The following KICS2 variants were observed in gnomAD, a reference collection of about 807,000 sequenced individuals.
KICS2 encodes KICSTOR complex protein C12orf66.
KICS2 carries 13 observed loss-of-function variants against 31.4 expected under a neutral mutation model. The ratio of observed to expected loss-of-function variants is 0.41; its 90% CI spans 0.27 to 0.66. KICS2 has a LOEUF of 0.66. Among genes scored for constraint, KICS2 ranks in the 30% least tolerant of loss-of-function variants. The pLI, the probability that KICS2 is intolerant of heterozygous loss-of-function variation, is 0.28. For missense variants in KICS2, 455 were observed against 545.4 expected, an observed-to-expected ratio of 0.83 and a Z score of 1.65; for synonymous variants, 209 against 214.8, an observed-to-expected ratio of 0.97 and a Z score of 0.24.
chr12:64,193,658 C>T lies in KICS2; in HGVS notation c.*184G>A. Reference sequence around the variant, plus strand: ...GCCCATGACCACTTCCTAGATTACTCTTTGGAAACTTAATTCAATTGGCCT... The same window carrying T: ...GCCCATGACCACTTCCTAGATTACTTTTTGGAAACTTAATTCAATTGGCCT... On this transcript the variant is annotated 3_prime_UTR_variant, in exon 3 of 3. Coordinates refer to ENST00000398055, the MANE Select transcript of KICS2 (RefSeq NM_152440.5). 7.1e-7 allele frequency: 1 copy of T among 1,416,380 alleles called. No homozygotes were observed. Among genetic ancestry groups the T allele is most frequent in the East Asian group, 2.5e-5 (1 of 39,454 alleles). 87.7% of individuals were successfully genotyped at this position (1,416,380 alleles called of 1,614,324 possible).
chr12:64,194,112 C>G lies in KICS2; in HGVS notation c.1068G>C (p.Arg356Ser). Residue 356 changes from arginine (R) to serine (S), a missense_variant, in exon 3 of 3, where the codon AGG becomes AGC. Physicochemically the swap from Arg to Ser is moderately radical, Grantham distance 110. Transcript: ENST00000398055. Reference protein sequence around the residue: ...YPAVVSLPSDRPVMHWPNVIM... With the variant: ...YPAVVSLPSDSPVMHWPNVIM... ...TGACATTGGGCCAGTGCATGACTGGCCTGTCGCTGGGCAGAGACACTACAG... is the reference window on the plus strand; with the variant it reads ...TGACATTGGGCCAGTGCATGACTGGGCTGTCGCTGGGCAGAGACACTACAG... 1 of 1,614,146 alleles carries G rather than the reference C, an allele frequency of 6.2e-7. No homozygotes were observed. The highest frequency in any genetic ancestry group is 8.5e-7 in the Non-Finnish European group (1 of 1,180,028).
intron 2 of KICS2, among the ~76,000 whole-genome samples, chr12:64,210,764 A>G (rs2037575583): frequency 6.6e-6 from 1 of 152,174 alleles, no homozygotes; most frequent in African/African-American, 2.4e-5. Context: ...GTGACAGAAC[A>G]AGACCTCATC....
chr12:64,194,500 C>A lies in KICS2; in HGVS notation c.680G>T (p.Gly227Val). The part of the protein sequence containing the change: ...HSAHTKLQTW[G>V]QIFEKQRETK... ...CTCCCGCTGTTTCTCAAAGATCTGGCCCCACGTCTGCAGTTTGGTGTGCGC... is the reference window on the plus strand; with the variant it reads ...CTCCCGCTGTTTCTCAAAGATCTGGACCCACGTCTGCAGTTTGGTGTGCGC... Residue 227 changes from glycine (G) to valine (V), a missense_variant, in exon 3 of 3, where the codon GGC becomes GTC. Coordinates refer to ENST00000398055, the MANE Select transcript of KICS2 (RefSeq NM_152440.5). 6.2e-7 allele frequency: 1 copy of A among 1,614,124 alleles called. No homozygotes were observed. Among genetic ancestry groups the A allele is most frequent in the South Asian group, 1.1e-5 (1 of 91,078 alleles).
intron 1 of KICS2, among the ~76,000 whole-genome samples, chr12:64,216,450 T>C (rs1471920692): frequency 1.3e-5 from 2 of 152,246 alleles, no homozygotes; most frequent in Non-Finnish European, 2.9e-5. Context: ...CATGATTTTT[T>C]GTTTCTGCTT....
chr12:64,201,538 T>C (rs1203051973), intron 2 of KICS2, among the ~76,000 whole-genome samples: 6 of 125,238 alleles, frequency 4.8e-5, no homozygotes, highest in Non-Finnish European at 4.8e-5. Context: ...CGCACCAGCA[T>C]GGCACATGTA....
chr12:64,213,141 A>G (rs1043302801), intron 2 of KICS2, among the ~76,000 whole-genome samples: 12 of 152,106 alleles, frequency 7.9e-5, no homozygotes, highest in Admixed American at 7.2e-4. Context: ...TAACATAATA[A>G]TTTTTACCCA....
rs1237002424 is a variant in KICS2 at position 64,215,842 on chromosome 12, T to C, written c.357A>G (p.Glu119=). 6.2e-7 allele frequency: 1 copy of C among 1,613,940 alleles called. No individual in the cohort carries two copies. The highest frequency in any genetic ancestry group is 1.7e-4 in the Middle Eastern group (1 of 6,058). Residue 119 remains glutamate (E), a synonymous_variant, in exon 2 of 3, where the codon GAA becomes GAG. Coordinates refer to ENST00000398055, the MANE Select transcript of KICS2 (RefSeq NM_152440.5). ...GALGGTAPHV[E]ELLSHLSEQL... ...GCTCTGACAGGTGGGAAAGGAGTTC[T>C]TCCACGTGAGGAGCAGTCCCACCCA...
At chr12:64,190,179 AG>A (rs375760468), downstream of KICS2, among the ~76,000 whole-genome samples, 1,217 of 152,354 alleles carry the variant, frequency 8.0e-3, 18 homozygotes, top group African/African-American at 0.027. Context: ...AGAAAAGAAC[AG>A]GAAAGGTGCC....
downstream of KICS2, among the ~76,000 whole-genome samples, chr12:64,189,234 C>A (rs1052863054): frequency 1.3e-5 from 2 of 152,182 alleles, no homozygotes; most frequent in Non-Finnish European, 2.9e-5. Flanking sequence ...ATGAACTGTA[C>A]TTCAAGGTAC....
chr12:64,196,238 C>A lies in KICS2; in HGVS notation c.522-1580G>T, dbSNP rs541461193. On this transcript the variant is annotated intron_variant, in intron 2 of 2. Coordinates refer to ENST00000398055, the MANE Select transcript of KICS2 (RefSeq NM_152440.5). ...GAAGAGAGCAGTGGCTCTCCCAGCA[C>A]GCAGCTGGAGATCTGAGAACCGGCA... Among the ~76,000 whole-genome samples the A allele has an allele frequency of 2.8e-4, 43 of 151,666 alleles. No individual in the cohort carries two copies. The South Asian group carries it at 8.5e-3, about 30-fold the overall frequency.
At chr12:64,221,806 T>C in intron 1 of KICS2, 197 bp downstream of exon 1, 3 of 666,990 alleles carry the variant, frequency 4.5e-6, no homozygotes, top group Non-Finnish European at 7.6e-6. Flanking sequence ...TTCGCCAATC[T>C]ATCAGCAGCG....
downstream of KICS2, among the ~76,000 whole-genome samples, chr12:64,190,657 A>G (rs2037371556): frequency 6.6e-6 from 1 of 152,028 alleles, no homozygotes; most frequent in Admixed American, 6.6e-5. Context: ...GGCTGAGGCA[A>G]GAGGACTGTT....
intron 2 of KICS2, among the ~76,000 whole-genome samples, chr12:64,202,655 C>T (rs904271476): frequency 1.4e-5 from 2 of 148,006 alleles, no homozygotes; most frequent in Non-Finnish European, 3.0e-5. Flanking sequence ...TTATTTTCTA[C>T]TTGATATTTT....
At chr12:64,197,303 C>G (rs1285447977) in intron 2 of KICS2, among the ~76,000 whole-genome samples, 1 of 146,174 alleles carries the variant, frequency 6.8e-6, no homozygotes, top group Non-Finnish European at 1.5e-5. Flanking sequence ...ATTCAACATT[C>G]TTAAAGAAAA....
In KICS2 at chr12:64,194,249, C is replaced by G; in HGVS notation, c.931G>C (p.Ala311Pro). The part of the protein sequence containing the change: ...ISSFIRKYDA[A>P]NVSLIFDNRG... The stretch of plus-strand genomic sequence containing the variant: ...TTGTCAAAAATTAAGGACACATTGG[C>G]AGCATCATATTTTCTGATGAAGCTG... Residue 311 changes from alanine to proline, a missense_variant, in exon 3 of 3, where the codon GCC (alanine) becomes CCC (proline). Coordinates refer to ENST00000398055, the MANE Select transcript of KICS2 (RefSeq NM_152440.5). 1 of 1,614,194 alleles carries G rather than the reference C, an allele frequency of 6.2e-7. No homozygotes were observed. Among genetic ancestry groups the G allele is most frequent in the Non-Finnish European group, 8.5e-7 (1 of 1,180,042 alleles).
chr12:64,222,248 C>A lies in KICS2; in HGVS notation c.-11G>T, dbSNP rs770115670. The A allele has an allele frequency of 1.2e-6, 2 of 1,612,724 alleles. No homozygotes were observed. The highest frequency in any genetic ancestry group is 2.2e-5 in the South Asian group (2 of 90,858). ...GATAGACTCCCCCATGCGAGCTGCG[C>A]CCCAGCTCGACCCACGTGGCTCTCC... On this transcript the variant is annotated 5_prime_UTR_variant, in exon 1 of 3. Coordinates refer to ENST00000398055, the MANE Select transcript of KICS2 (RefSeq NM_152440.5).
downstream of KICS2, among the ~76,000 whole-genome samples, chr12:64,190,331 A>G (rs1402911592): frequency 6.6e-6 from 1 of 152,190 alleles, no homozygotes; most frequent in Non-Finnish European, 1.5e-5. Context: ...CCTTAGCCCC[A>G]TTTTACAGAC....
intron 2 of KICS2, among the ~76,000 whole-genome samples, chr12:64,207,554 T>G (rs1313044771): frequency 2.0e-5 from 3 of 152,148 alleles, no homozygotes; most frequent in Non-Finnish European, 4.4e-5. Context: ...GCTAACAGAT[T>G]GGCTGCAAGC....
At position 64,194,616 on chromosome 12, in the gene KICS2, C is replaced by T; in HGVS notation, c.564G>A (p.Gln188=). 1.2e-6 allele frequency: 2 copies of T among 1,613,970 alleles called. No homozygotes were observed. Among genetic ancestry groups the T allele is most frequent in the Non-Finnish European group, 1.7e-6 (2 of 1,179,906 alleles). Residue 188 remains glutamine, a synonymous_variant, in exon 3 of 3, where the codon CAG becomes CAA. Coordinates refer to ENST00000398055, the MANE Select transcript of KICS2 (RefSeq NM_152440.5). ...PILSPLESSF[Q]LEVDVLCHLL... Reference sequence around the variant, plus strand: ...GATGACACAGGACGTCAACTTCCAGCTGGAAACTGCTTTCCAAAGGACTGA... The same window carrying T: ...GATGACACAGGACGTCAACTTCCAGTTGGAAACTGCTTTCCAAAGGACTGA...
Sources: gnomAD v4.1 joint callset for allele counts (sites outside exome capture counted in the v4.1 genomes callset) on GRCh38, gnomAD v4.1.1 for gene constraint, MANE v1.5 for transcripts, NCBI Gene and HGNC (gene_info 2026-07-23, HGNC 2026-07-21) for gene names.